Variants in SRGAP3 observed in about 807,000 individuals in gnomAD.
SRGAP3 encodes the protein SLIT-ROBO Rho GTPase activating protein 3, also known as SLIT-ROBO Rho GTPase-activating protein 3.
A neutral mutation model predicts 121.1 loss-of-function variants in SRGAP3; 39 were observed. That is an observed-to-expected ratio of 0.32 (90% CI 0.25 to 0.42). The LOEUF is 0.42. Ranked by LOEUF, SRGAP3 falls within the 10% of genes least tolerant of loss-of-function variation. The pLI is 1.00. For synonymous variants in SRGAP3, 601 were observed against 570.0 expected (o/e 1.05, Z -0.77); for missense variants, 1,213 against 1,470.6 (o/e 0.82, Z 2.86).
intron 3 of SRGAP3, among the ~76,000 whole-genome samples, chr3:9,286,628 A>G (rs1954777942): frequency 6.6e-6 from 1 of 152,072 alleles, no homozygotes; most frequent in African/African-American, 2.4e-5. Flanking sequence ...TTTGAGACGG[A>G]GTCTCGCTCT....
chr3:9,362,410 C>A (rs547363484), intron 1 of SRGAP3, among the ~76,000 whole-genome samples: 3 of 150,474 alleles, frequency 2.0e-5, no homozygotes, highest in Non-Finnish European at 4.4e-5. Context: ...GTGATCCACC[C>A]GCCTCAGCCT....
intron 1 of SRGAP3, among the ~76,000 whole-genome samples, chr3:9,126,077 G>A (rs1949214934): frequency 6.6e-6 from 1 of 152,100 alleles, no homozygotes; most frequent in African/African-American, 2.4e-5. Flanking sequence ...ACTACTCTGG[G>A]GTACACAAAG....
chr3:9,117,257 TTC>T (rs1222143941), intron 2 of SRGAP3, among the ~76,000 whole-genome samples: 2 of 152,232 alleles, frequency 1.3e-5, no homozygotes, highest in African/African-American at 2.4e-5. Flanking sequence ...ACAAAAGTGA[TTC>T]TCTGTTTAGG....
chr3:9,260,207 G>A (rs539609200), intron 3 of SRGAP3, among the ~76,000 whole-genome samples: 11 of 152,294 alleles, frequency 7.2e-5, no homozygotes, highest in African/African-American at 2.4e-4. Flanking sequence ...TGGGTTTCAA[G>A]CACAAAAATG....
At chr3:9,225,084 CA>C (rs570712885) in intron 1 of SRGAP3, among the ~76,000 whole-genome samples, 97 of 152,258 alleles carry the variant, frequency 6.4e-4, no homozygotes, top group African/African-American at 2.3e-3. Context: ...ACCAAATCCC[CA>C]AACTTCATAA....
intron 1 of SRGAP3, among the ~76,000 whole-genome samples, chr3:9,346,003 T>C (rs1955884370): frequency 1.3e-5 from 2 of 152,136 alleles, no homozygotes; most frequent in Admixed American, 6.5e-5. Context: ...TTTTTACATA[T>C]GACTTAAGTC....
chr3:9,126,618 A>AAACT (rs71049772), intron 1 of SRGAP3, among the ~76,000 whole-genome samples: 3 of 150,760 alleles, frequency 2.0e-5, no homozygotes, highest in South Asian at 2.1e-4. Flanking sequence ...CCTGTCTCAA[A>AAACT]AACTAACTAA....
intron 1 of SRGAP3, among the ~76,000 whole-genome samples, chr3:9,220,008 C>T (rs1952756371): frequency 6.6e-6 from 1 of 152,038 alleles, no homozygotes; most frequent in South Asian, 2.1e-4. Context: ...AGAAGGTAGA[C>T]TGATCATTAC....
At position 9,104,711 on chromosome 3, in the gene SRGAP3, A is replaced by C; in HGVS notation, c.392T>G (p.Ile131Ser). 2 of 1,614,200 alleles carry C rather than the reference A, an allele frequency of 1.2e-6. No homozygotes were observed. Among genetic ancestry groups the C allele is most frequent in the Non-Finnish European group, 1.7e-6 (2 of 1,180,034 alleles). The change falls in exon 3 of 22, where the codon ATC becomes AGC. Residue 131 changes from isoleucine to serine, a missense_variant. Ile to Ser is a moderately radical substitution (Grantham distance 142). This residue lies in a region of SRGAP3 where 793 missense variants were observed against 1,032.9 expected (regional missense o/e 0.77). Coordinates refer to ENST00000383836, the MANE Select transcript of SRGAP3 (RefSeq NM_014850.4). ...MNNVIVRLSQISEDVIRLFKK... is the reference protein window; with the variant it reads ...MNNVIVRLSQSSEDVIRLFKK... ...GAAGAGTCTGATGACATCCTCACTGATCTGGGAGAGGCGGACGATGACATT... is the reference window on the plus strand; with the variant it reads ...GAAGAGTCTGATGACATCCTCACTGCTCTGGGAGAGGCGGACGATGACATT...
chr3:9,290,840 A>G (rs1954857845), intron 3 of SRGAP3, among the ~76,000 whole-genome samples: 1 of 152,210 alleles, frequency 6.6e-6, no homozygotes, highest in East Asian at 1.9e-4. Context: ...GCAAGATGGG[A>G]AATCATTTTT....
At chr3:9,236,586 C>CG (rs1559233396) in intron 1 of SRGAP3, among the ~76,000 whole-genome samples, 2 of 151,960 alleles carry the variant, frequency 1.3e-5, no homozygotes, top group African/African-American at 4.8e-5. Context: ...ACTTCCCCCC[C>CG]CCTCTTCTTC....
intron 1 of SRGAP3, among the ~76,000 whole-genome samples, chr3:9,146,043 C>T (rs1229798953): frequency 6.6e-6 from 1 of 152,300 alleles, no homozygotes; most frequent in Non-Finnish European, 1.5e-5. Context: ...GGCCTTACCC[C>T]ACAGTCAATG....
At chr3:9,153,485 C>G (rs1363404377) in intron 1 of SRGAP3, among the ~76,000 whole-genome samples, 1 of 152,206 alleles carries the variant, frequency 6.6e-6, no homozygotes, top group Non-Finnish European at 1.5e-5. Context: ...TCTACCCCAT[C>G]TCCTCCAACA....
rs1941458554 is a variant in SRGAP3, at chr3:8,982,296, A to G, written c.*3223T>C. On this transcript the variant is annotated 3_prime_UTR_variant, in exon 22 of 22. Coordinates refer to ENST00000383836, the MANE Select transcript of SRGAP3 (RefSeq NM_014850.4). ...CATTCCATGAAGCAAAGAAAAAAAA[A>G]TGCCCGTTGTCAACTAACTGATCAG... is the stretch of plus-strand genomic sequence containing the variant. 4.4e-6 allele frequency: 1 copy of G among 227,410 alleles called. No individual in the cohort carries two copies. Among genetic ancestry groups the G allele is most frequent in the Non-Finnish European group, 8.8e-6 (1 of 114,156 alleles). 14.1% of individuals were successfully genotyped at this position (227,410 alleles called of 1,614,324 possible).
At chr3:9,212,574 G>C (rs1349973589) in intron 1 of SRGAP3, among the ~76,000 whole-genome samples, 1 of 133,204 alleles carries the variant, frequency 7.5e-6, no homozygotes, top group Non-Finnish European at 1.5e-5. Context: ...AATTAGCTGG[G>C]TGTGGTGGCG....
chr3:9,136,394 A>AT (rs1553675065), intron 1 of SRGAP3, among the ~76,000 whole-genome samples: 1 of 35,326 alleles, frequency 2.8e-5, no homozygotes, highest in African/African-American at 1.4e-4. Context: ...CGTCGCTGGG[A>AT]CCCCCCCCCC....
chr3:9,104,132 T>C (rs1258894439), intron 3 of SRGAP3, among the ~76,000 whole-genome samples: 9 of 152,208 alleles, frequency 5.9e-5, no homozygotes, highest in African/African-American at 2.4e-5. Flanking sequence ...GTTATAGAAA[T>C]ATACTATTGA....
chr3:9,199,730 G>A (rs1384025737), intron 1 of SRGAP3, among the ~76,000 whole-genome samples: 2 of 152,154 alleles, frequency 1.3e-5, no homozygotes, highest in African/African-American at 2.4e-5. Flanking sequence ...GGAAGCAATC[G>A]TATTCTCTAA....
At chr3:9,169,080 C>T (rs1489904869) in intron 1 of SRGAP3, among the ~76,000 whole-genome samples, 1 of 152,214 alleles carries the variant, frequency 6.6e-6, no homozygotes, top group East Asian at 1.9e-4. Context: ...TCAATCCCGG[C>T]TCGTTCAGCT....
Sources: allele counts gnomAD v4.1 joint callset (sites outside exome capture counted in the v4.1 genomes callset), GRCh38; gene constraint gnomAD v4.1.1; regional missense constraint gnomAD v4.1.1; transcripts MANE v1.5; gene names NCBI Gene and HGNC (gene_info 2026-07-23, HGNC 2026-07-21).